TYW1B: variants seen among roughly 807,000 people sequenced by gnomAD.
TYW1B encodes S-adenosyl-L-methionine-dependent tRNA 4-demethylwyosine synthase TYW1B.
In TYW1B, 73 loss-of-function variants were observed where a neutral mutation model predicts 86.9. The ratio of observed to expected loss-of-function variants is 0.84; its 90% CI spans 0.70 to 1.02. The LOEUF (loss-of-function observed/expected upper bound fraction) is 1.02. Ranked by LOEUF, TYW1B falls within the 50% of genes least tolerant of loss-of-function variation. The probability of loss-of-function intolerance (pLI) is 0.00; values close to 1 mark genes in which losing one functional copy is unlikely to be tolerated. For missense variants in TYW1B, 637 were observed against 827.4 expected (o/e 0.77, Z 2.82); for synonymous variants, 248 against 292.8 (o/e 0.85, Z 1.56).
In TYW1B at chr7:72,575,202, A is replaced by G. The variant is rs1810992364; in HGVS notation, c.*296T>C. 1.7e-6 allele frequency: 2 copies of G among 1,210,618 alleles called. No individual in the cohort carries two copies. The highest frequency in any genetic ancestry group is 2.1e-6 in the Non-Finnish European group (2 of 968,404). The allele number at this position is 1,210,618 out of a possible 1,614,324, so 75.0% of individuals were successfully genotyped here. A position where few individuals can be genotyped will look rare whatever the true frequency, so the allele number is the denominator to read the frequency against. ...ATTCTGGCAGGTCTTAGAAGTTATA[A>G]TACAAAACCATCAGTTAAATTCTAA... On this transcript the variant is annotated 3_prime_UTR_variant, in exon 14 of 14. Coordinates refer to ENST00000620995, the MANE Select transcript of TYW1B (RefSeq NM_001145440.3).
chr7:72,673,403 G>C (rs1813657826), intron 11 of TYW1B, among the ~76,000 whole-genome samples: 1 of 152,182 alleles, frequency 6.6e-6, no homozygotes, highest in Admixed American at 6.5e-5. Context: ...ATATACAATG[G>C]AGTACTATTC....
chr7:72,692,205 C>CAAAAAAAAAAAAAAAAA (rs1168197742), intron 11 of TYW1B, among the ~76,000 whole-genome samples: 1 of 62,808 alleles, frequency 1.6e-5, no homozygotes, highest in Non-Finnish European at 2.9e-5. Flanking sequence ...GACTCCATCT[C>CAAAAAAAAAAAAAAAAA]AAAAAAAAAA....
chr7:72,799,318 C>T (rs1788363644), intron 6 of TYW1B, among the ~76,000 whole-genome samples: 2 of 150,622 alleles, frequency 1.3e-5, no homozygotes, highest in Admixed American at 1.3e-4. Context: ...GCCACTATGC[C>T]CGGCTAATTT....
intron 2 of TYW1B, among the ~76,000 whole-genome samples, chr7:72,815,754 T>G (rs1454898146): frequency 8.5e-5 from 13 of 152,130 alleles, no homozygotes; most frequent in Admixed American, 8.5e-4. Flanking sequence ...AGAATAAACA[T>G]ATCAGCCAGG....
At chr7:72,824,851 C>A (rs1331990330) in intron 2 of TYW1B, among the ~76,000 whole-genome samples, 17 of 151,938 alleles carry the variant, frequency 1.1e-4, no homozygotes, top group Non-Finnish European at 2.2e-4. Context: ...CGACTGTAAT[C>A]CCAACACTTT....
intron 11 of TYW1B, among the ~76,000 whole-genome samples, chr7:72,673,759 G>A (rs1554446825): frequency 6.6e-6 from 1 of 152,092 alleles, no homozygotes; most frequent in Non-Finnish European, 1.5e-5. Flanking sequence ...AGTATAATCG[G>A]ATTGTTTGTA....
intron 10 of TYW1B, among the ~76,000 whole-genome samples, chr7:72,710,564 G>A (rs1412639273): frequency 1.3e-5 from 2 of 152,096 alleles, no homozygotes; most frequent in African/African-American, 2.4e-5. Context: ...GGTGGCTCAC[G>A]CCTGTAATCC....
chr7:72,636,493 G>A (rs1554440768), intron 11 of TYW1B, among the ~76,000 whole-genome samples: 2 of 152,150 alleles, frequency 1.3e-5, no homozygotes, highest in Non-Finnish European at 2.9e-5. Flanking sequence ...GACAAATATA[G>A]TGGGTATGCT....
rs1282254769 is a variant in TYW1B, at chr7:72,710,983, CT to C, written c.1370+2637del. On this transcript the variant is annotated intron_variant, in intron 10 of 13. Coordinates refer to ENST00000620995, the MANE Select transcript of TYW1B (RefSeq NM_001145440.3). Reference sequence around the variant, plus strand: ...AAACCCCGCCACTTTTAAGTTCCACCTCCCTTTCTAGCTTCATGCATTTCAA... The same window carrying C: ...AAACCCCGCCACTTTTAAGTTCCACCCCCTTTCTAGCTTCATGCATTTCAA... 3.3e-5 allele frequency among the ~76,000 whole-genome samples: 5 copies of C among 152,258 alleles called. No individual in the cohort carries two copies. The East Asian group carries it at 9.6e-4, about 29-fold the overall frequency.
intron 4 of TYW1B, 112 bp from the exon 5 acceptor site, chr7:72,807,468 T>TAAGA (rs1467277046): frequency 7.2e-7 from 1 of 1,388,794 alleles, no homozygotes; most frequent in Non-Finnish European, 9.7e-7. Context: ...GGGCTACCAC[T>TAAGA]AAGAAAGAGG....
intron 8 of TYW1B, among the ~76,000 whole-genome samples, chr7:72,731,040 G>A (rs1787096970): frequency 6.8e-6 from 1 of 146,496 alleles, no homozygotes; most frequent in Non-Finnish European, 1.5e-5. Flanking sequence ...TCACATGTAA[G>A]GAAACCTCCA....
At position 72,738,919 on chromosome 7, in the gene TYW1B, A is replaced by AT. The variant is rs1585943947; in HGVS notation, c.1082+5564_1082+5565insA. Among the ~76,000 whole-genome samples, 545 of 151,830 alleles carry AT rather than the reference A, an allele frequency of 3.6e-3. 5 individuals carry two copies. The highest frequency in any genetic ancestry group is 5.5e-3 in the Non-Finnish European group (371 of 67,978). ...GACCCTGTCTCTATCAAAAAAAAAA[A>AT]AAAATAATAATAATAAACTGGATAG... is the stretch of plus-strand genomic sequence containing the variant. On this transcript the variant is annotated intron_variant, in intron 8 of 13. Coordinates refer to ENST00000620995, the MANE Select transcript of TYW1B (RefSeq NM_001145440.3).
chr7:72,818,840 T>C (rs1788775570), intron 2 of TYW1B, among the ~76,000 whole-genome samples: 3 of 152,020 alleles, frequency 2.0e-5, no homozygotes, highest in Non-Finnish European at 1.5e-5. Context: ...ACTCACTCAC[T>C]GTCACGAGGA....
chr7:72,634,816 T>C (rs1295608328), intron 11 of TYW1B, among the ~76,000 whole-genome samples: 4 of 152,216 alleles, frequency 2.6e-5, no homozygotes, highest in Non-Finnish European at 4.4e-5. Flanking sequence ...GTCTTGAATA[T>C]GTCTCTGTTG....
At chr7:72,781,767 C>T (rs1210878731) in intron 6 of TYW1B, among the ~76,000 whole-genome samples, 1 of 152,192 alleles carries the variant, frequency 6.6e-6, no homozygotes, top group Non-Finnish European at 1.5e-5. Context: ...ATCTCCCATA[C>T]CCATCACACT....
chr7:72,666,968 C>T (rs1585888282), intron 11 of TYW1B, among the ~76,000 whole-genome samples: 1 of 130,918 alleles, frequency 7.6e-6, no homozygotes, highest in Non-Finnish European at 1.5e-5. Context: ...GGAGGCGGAG[C>T]TTGCAGTGAG....
intron 6 of TYW1B, among the ~76,000 whole-genome samples, chr7:72,781,225 A>G (rs1315634013): frequency 6.6e-6 from 1 of 152,096 alleles, no homozygotes; most frequent in Non-Finnish European, 1.5e-5. Context: ...AATCAGAACT[A>G]AAAAGTCAAC....
chr7:72,620,717 T>C (rs1259464143), intron 12 of TYW1B, among the ~76,000 whole-genome samples: 1 of 152,146 alleles, frequency 6.6e-6, no homozygotes, highest in African/African-American at 2.4e-5. Context: ...ATCACAGCTG[T>C]CTGCCACCTT....
chr7:72,774,688 G>GC lies in TYW1B; in HGVS notation c.964+2727dup, dbSNP rs201554307. ...AGAGGTTGCAGTGAGCCAAGATCAC[G>GC]CCACTGCGCTCCGGCCTGGGCAACA... is the stretch of plus-strand genomic sequence containing the variant. On this transcript the variant is annotated intron_variant, in intron 7 of 13. Transcript: ENST00000620995. Among the ~76,000 whole-genome samples the GC allele has an allele frequency of 6.0e-3, 920 of 152,214 alleles. 14 individuals carry two copies. The highest frequency in any genetic ancestry group is 0.021 in the African/African-American group (874 of 41,536).
Sources: allele counts gnomAD v4.1 joint callset (sites outside exome capture counted in the v4.1 genomes callset), GRCh38; gene constraint gnomAD v4.1.1; transcripts MANE v1.5; gene names NCBI Gene and HGNC (gene_info 2026-07-23, HGNC 2026-07-21).